The following WDR87 variants were observed in gnomAD, a reference collection of about 807,000 sequenced individuals.
The protein encoded by WDR87 is WD repeat domain 87, also known as WD repeat-containing protein 87.
In WDR87, 56 loss-of-function variants were observed where a neutral mutation model predicts 83.3. The ratio of observed to expected loss-of-function variants is 0.67; its 90% CI spans 0.54 to 0.84. The LOEUF is 0.84. Among genes scored for constraint, WDR87 ranks in the 40% least tolerant of loss-of-function variants. The probability of loss-of-function intolerance (pLI) is 0.00; values close to 1 mark genes in which losing one functional copy is unlikely to be tolerated. For synonymous variants in WDR87, 1,173 were observed against 1,250.6 expected (o/e 0.94, Z 1.31); for missense variants, 2,939 against 3,431.9 (o/e 0.86, Z 3.59).
In WDR87 at chr19:37,896,250, A is replaced by G. The variant is rs1163205430; in HGVS notation, c.134T>C (p.Leu45Pro). ...LIVLSDRSQV[L>P]FKESRYPQNM... ...TTGAGGATAGCGAGACTCTTTGAAC[A>G]GTACCTGGGACCGGTCACTCAGCAC... The change falls in exon 3 of 6, where the codon CTG (leucine) becomes CCG (proline). Residue 45 changes from leucine (L) to proline (P), a missense_variant. Leu to Pro is a moderately conservative substitution (Grantham distance 98). Coordinates refer to ENST00000447313, the MANE Select transcript of WDR87 (RefSeq NM_001291088.2). 3 of 1,551,988 alleles carry G rather than the reference A, an allele frequency of 1.9e-6. No individual in the cohort carries two copies. The highest frequency in any genetic ancestry group is 2.7e-5 in the African/African-American group (2 of 73,050).
chr19:37,888,559 C>T lies in WDR87; in HGVS notation c.5112G>A (p.Leu1704=). 1 of 1,551,736 alleles carries T rather than the reference C, an allele frequency of 6.4e-7. No homozygotes were observed. Among genetic ancestry groups the T allele is most frequent in the Non-Finnish European group, 8.7e-7 (1 of 1,147,016 alleles). The part of the protein sequence containing the change: ...AEKLAQKRKK[L]AKKWEKVARE... ...TAGCCACTTTCTCCCATTTCTTGGC[C>T]AGTTTCTTCCTTTTCTGGGCCAATT... The change falls in exon 6 of 6, where the codon CTG becomes CTA. Residue 1704 remains leucine, a synonymous_variant. Coordinates refer to ENST00000447313, the MANE Select transcript of WDR87 (RefSeq NM_001291088.2).
chr19:37,895,060 C>G lies in WDR87; in HGVS notation c.643G>C (p.Glu215Gln). ...GPSGSLLALC[E>Q]TVVRVLMHQG... ...TGCATAAGGACCCTCACCACCGTCT[C>G]ACACAGGGCCAGGAGGGAGCCACTG... The change falls in exon 4 of 6, where the codon GAG becomes CAG. Residue 215 changes from glutamate (E) to glutamine (Q), a missense_variant. Physicochemically the swap from Glu to Gln is conservative, Grantham distance 29. This residue lies in a region of WDR87 where 226 missense variants were observed against 320.9 expected (regional missense o/e 0.70). Transcript: ENST00000447313. 1 of 1,551,724 alleles carries G rather than the reference C, an allele frequency of 6.4e-7. No homozygotes were observed.
intron 1 of WDR87, among the ~76,000 whole-genome samples, chr19:37,899,285 G>A (rs979592737): frequency 1.3e-5 from 2 of 151,900 alleles, no homozygotes. Context: ...TGGGCGTTGT[G>A]GCACGCCCCT....
At chr19:37,897,466 T>A (rs2046265281) in intron 2 of WDR87, among the ~76,000 whole-genome samples, 1 of 151,992 alleles carries the variant, frequency 6.6e-6, no homozygotes, top group South Asian at 2.1e-4. Flanking sequence ...TACCTCGCCC[T>A]GGCAAAGTGC....
intron 1 of WDR87, among the ~76,000 whole-genome samples, chr19:37,904,175 T>C (rs994009629): frequency 6.6e-6 from 1 of 152,172 alleles, no homozygotes; most frequent in Non-Finnish European, 1.5e-5. Context: ...GTGGTGGGAT[T>C]ACAGGCATGA....
intron 1 of WDR87, among the ~76,000 whole-genome samples, chr19:37,903,953 G>T (rs2046307482): frequency 1.3e-5 from 2 of 152,130 alleles, no homozygotes; most frequent in East Asian, 3.8e-4. Context: ...CTGTCGCCCA[G>T]GCTAGAGTGC....
In WDR87 at chr19:37,884,937, G is replaced by A. The variant is rs2145413532; in HGVS notation, c.8734C>T (p.Leu2912Phe). The change falls in exon 6 of 6, where the codon CTC becomes TTC. Residue 2912 changes from leucine (L) to phenylalanine (F), a missense_variant. Coordinates refer to ENST00000447313, the MANE Select transcript of WDR87 (RefSeq NM_001291088.2). ...KALTHTVAPTL is the reference protein window; with the variant it reads ...KALTHTVAPTF ...AGCCTCCAGTCAGTCCCAAATTAGAGAGTGGGAGCAACGGTGTGTGTCAGT... is the reference window on the plus strand; with the variant it reads ...AGCCTCCAGTCAGTCCCAAATTAGAAAGTGGGAGCAACGGTGTGTGTCAGT... 5 of 1,300,030 alleles carry A rather than the reference G, an allele frequency of 3.8e-6. No individual in the cohort carries two copies. The South Asian group carries it at 1.6e-4, about 41-fold the overall frequency. 80.5% of individuals were successfully genotyped at this position (1,300,030 alleles called of 1,614,324 possible). A position where few individuals can be genotyped will look rare whatever the true frequency, so the allele number is the denominator to read the frequency against.
intron 3 of WDR87, chr19:37,895,912 T>G: frequency 1.8e-6 from 1 of 553,532 alleles, no homozygotes. Flanking sequence ...GGAAATACGG[T>G]AGAGGCAGGA....
chr19:37,898,283 A>C lies in WDR87; in HGVS notation c.-44T>G. The C allele has an allele frequency of 1.3e-6, 2 of 1,540,046 alleles. No individual in the cohort carries two copies. Among genetic ancestry groups the C allele is most frequent in the Non-Finnish European group, 1.7e-6 (2 of 1,143,002 alleles). ...GCCCTCCTGAGGACTGTTGCTTAAAAACCTGTGGGAATCCAAAAGAGCCCA... is the reference window on the plus strand; with the variant it reads ...GCCCTCCTGAGGACTGTTGCTTAAACACCTGTGGGAATCCAAAAGAGCCCA... On this transcript the variant is annotated splice_region_variant and 5_prime_UTR_variant, in exon 2 of 6. Transcript: ENST00000447313.
chr19:37,893,849 C>G lies in WDR87; in HGVS notation c.1854G>C (p.Leu618Phe). The change falls in exon 4 of 6, where the codon TTG (leucine) becomes TTC (phenylalanine). Residue 618 changes from leucine (L) to phenylalanine (F), a missense_variant. By Grantham distance (22) the Leu-to-Phe change is conservative. Coordinates refer to ENST00000447313, the MANE Select transcript of WDR87 (RefSeq NM_001291088.2). ...CGGCAGAACCTGTGACAAAAAGACT[C>G]AAGGAGAGGCAGACATCAAAGGATG... ...AITSFDVCLSLSLFVTGSADG... is the reference protein window; with the variant it reads ...AITSFDVCLSFSLFVTGSADG... 6.4e-7 allele frequency: 1 copy of G among 1,551,838 alleles called. No homozygotes were observed.
chr19:37,888,928 T>C lies in WDR87; in HGVS notation c.4743A>G (p.Glu1581=). 6.4e-7 allele frequency: 1 copy of C among 1,552,318 alleles called. No homozygotes were observed. The change falls in exon 6 of 6, where the codon GAA becomes GAG. Residue 1581 remains glutamate, a synonymous_variant. Transcript: ENST00000447313. The part of the protein sequence containing the change: ...KSKEQQYKDE[E]EVTLEEEVSR... Reference sequence around the variant, plus strand: ...ACACTTCTTCCTCCAAAGTCACTTCTTCCTCATCCTTGTACTGTTGCTCCT... The same window carrying C: ...ACACTTCTTCCTCCAAAGTCACTTCCTCCTCATCCTTGTACTGTTGCTCCT...
intron 1 of WDR87, among the ~76,000 whole-genome samples, chr19:37,901,556 C>G (rs914009023): frequency 2.0e-5 from 3 of 152,178 alleles, no homozygotes; most frequent in Admixed American, 2.0e-4. Context: ...TTTGCAGTCA[C>G]TGCCATCACT....
Position 37,889,015 on chromosome 19 carries a change from GTCC to G in WDR87, c.4653_4655del (p.Glu1551del). ...TCCACTCCTCCCATTTCAGCTTCTT[GTCC>G]TCCTGAAGCATTTCCTCCTCCGGGG... On this transcript the variant is annotated inframe_deletion, in exon 6 of 6. Transcript: ENST00000447313. The G allele has an allele frequency of 6.4e-7, 1 of 1,551,820 alleles. No individual in the cohort carries two copies. The highest frequency in any genetic ancestry group is 1.2e-5 in the South Asian group (1 of 84,044).
chr19:37,892,025 T>C (rs981002828), intron 4 of WDR87, among the ~76,000 whole-genome samples: 1 of 151,924 alleles, frequency 6.6e-6, no homozygotes, highest in African/African-American at 2.4e-5. Flanking sequence ...TATTGGAGGC[T>C]GTAGAAGCAG....
Position 37,895,251 on chromosome 19 carries a change from T to C in WDR87, c.452A>G (p.Asn151Ser). The C allele has an allele frequency of 1.3e-6, 2 of 1,551,716 alleles. No individual in the cohort carries two copies. Among genetic ancestry groups the C allele is most frequent in the Non-Finnish European group, 1.7e-6 (2 of 1,147,002 alleles). ...KPLGKVPCRF[N>S]ISCLCYDPEM... is the part of the protein sequence containing the mutation. ...CGGGTCATAGCAGAGGCAGCTGATGTTGAAGCGGCAGGGCACTTTACCCAG... is the reference window on the plus strand; with the variant it reads ...CGGGTCATAGCAGAGGCAGCTGATGCTGAAGCGGCAGGGCACTTTACCCAG... Residue 151 changes from asparagine (N) to serine (S), a missense_variant, in exon 4 of 6, where the codon AAC becomes AGC. Coordinates refer to ENST00000447313, the MANE Select transcript of WDR87 (RefSeq NM_001291088.2).
In WDR87 at chr19:37,887,003, A is replaced by G. The variant is rs1051826211; in HGVS notation, c.6668T>C (p.Ile2223Thr). Residue 2223 changes from isoleucine to threonine, a missense_variant, in exon 6 of 6, where the codon ATA becomes ACA. By Grantham distance (89) the Ile-to-Thr change is moderately conservative (BLOSUM62 -1). Around this residue, in one of 3 missense-constraint regions of WDR87, gnomAD observed 2,160 missense variants for 2,533.1 expected, o/e 0.85. Transcript: ENST00000447313. ...GAATGGGATTACCTCTTCTTCTTCT[A>G]TTCCTCCTTCCTCTTCATCATCCAG... is the stretch of plus-strand genomic sequence containing the variant. ...VILDDEEEGG[I>T]EEEEVIPFLK... The G allele has an allele frequency of 5.8e-6, 9 of 1,550,322 alleles. No homozygotes were observed. In the African/African-American group the frequency reaches 1.1e-4, roughly 19 times the overall value.
At position 37,886,164 on chromosome 19, in the gene WDR87, T is replaced by A; in HGVS notation, c.7507A>T (p.Thr2503Ser). 1 of 1,551,586 alleles carries A rather than the reference T, an allele frequency of 6.4e-7. No homozygotes were observed. The highest frequency in any genetic ancestry group is 8.7e-7 in the Non-Finnish European group (1 of 1,146,980). The change falls in exon 6 of 6, where the codon ACC (threonine) becomes TCC (serine). Residue 2503 changes from threonine (T) to serine (S), a missense_variant. Coordinates refer to ENST00000447313, the MANE Select transcript of WDR87 (RefSeq NM_001291088.2). Reference protein sequence around the residue: ...VLESQAQDLKTPFMSHILRRT... With the variant: ...VLESQAQDLKSPFMSHILRRT... ...CTTAATATGTGGGACATAAATGGGG[T>A]CTTTAAGTCCTGTGCTTGGGACTCC...
chr19:37,884,853 G>C lies in WDR87; in HGVS notation c.*79C>G. 1 of 1,164,792 alleles carries C rather than the reference G, an allele frequency of 8.6e-7. No homozygotes were observed. The highest frequency in any genetic ancestry group is 1.6e-5 in the African/African-American group (1 of 62,692). 72.2% of individuals were successfully genotyped at this position (1,164,792 alleles called of 1,614,324 possible). A position where few individuals can be genotyped will look rare whatever the true frequency, so the allele number is the denominator to read the frequency against. ...CAAAAAAAAAAAAAAGAGAGAGAGA[G>C]AGATGAAGGTCTAGATCCTGGTAAT... On this transcript the variant is annotated 3_prime_UTR_variant, in exon 6 of 6. Transcript: ENST00000447313.
rs878938966 is a variant in WDR87 at position 37,900,962 on chromosome 19, C to CAA, written c.-46-2679_-46-2678dup. 6.2e-3 allele frequency among the ~76,000 whole-genome samples: 182 copies of CAA among 29,496 alleles called. 7 individuals carry two copies. Among genetic ancestry groups the CAA allele is most frequent in the African/African-American group, 0.011 (120 of 11,090 alleles). The allele number at this position is 29,496 out of a possible 152,430, so 19.4% of individuals were successfully genotyped here. A position where few individuals can be genotyped will look rare whatever the true frequency, so the allele number is the denominator to read the frequency against. The stretch of plus-strand genomic sequence containing the variant: ...GCAACATAGTGGGACCCTGTCTCTA[C>CAA]AAAAAAAAAAAAAAAAAAAAAAAAA... On this transcript the variant is annotated intron_variant, in intron 1 of 5. Transcript: ENST00000447313.
Sources: gnomAD v4.1 joint callset for allele counts (sites outside exome capture counted in the v4.1 genomes callset) on GRCh38, gnomAD v4.1.1 for gene constraint, gnomAD v4.1.1 regional missense constraint, MANE v1.5 for transcripts, NCBI Gene and HGNC (gene_info 2026-07-23, HGNC 2026-07-21) for gene names.